Variants in ZNF30 observed in about 807,000 individuals in gnomAD.
The protein encoded by ZNF30 is zinc finger protein 30 (KOX 28).
Under a neutral mutation model 13.2 loss-of-function variants are expected in ZNF30, and 15 were observed. The ratio of observed to expected loss-of-function variants is 1.13; its 90% confidence interval spans 0.76 to 1.75. The LOEUF (loss-of-function observed/expected upper bound fraction) is 1.75, where lower values mean the gene tolerates loss of function less well. Among genes scored for constraint, ZNF30 ranks in the 40% most tolerant of loss-of-function variants. The pLI is 0.00. For synonymous variants in ZNF30, 223 were observed against 256.6 expected (o/e 0.87, Z 1.25); for missense variants, 726 against 757.0 (o/e 0.96, Z 0.48).
At chr19:34,940,070 A>G (rs766851123) in intron 4 of ZNF30, among the ~76,000 whole-genome samples, 21 of 152,246 alleles carry the variant, frequency 1.4e-4, no homozygotes, top group Non-Finnish European at 2.6e-4. Flanking sequence ...ATGAAATACT[A>G]ATTCTTACAA....
In ZNF30 at chr19:34,943,637, G is replaced by C. The variant is rs759782832; in HGVS notation, c.671G>C (p.Ser224Thr). The C allele has an allele frequency of 3.1e-6, 5 of 1,613,632 alleles. No homozygotes were observed. The highest frequency in any genetic ancestry group is 3.3e-4 in the Middle Eastern group (2 of 6,084). ...AGCTATCAACTTACAGTACATAAGAGTATTCATACTGGGAAGAAACCATAT... is the reference window on the plus strand; with the variant it reads ...AGCTATCAACTTACAGTACATAAGACTATTCATACTGGGAAGAAACCATAT... ...SGSYQLTVHK[S>T]IHTGKKPYEC... Residue 224 changes from serine to threonine, a missense_variant, in exon 5 of 5, where the codon AGT becomes ACT. Physicochemically the swap from Ser to Thr is moderately conservative, Grantham distance 58. Transcript: ENST00000601142.
In ZNF30 at chr19:34,945,115, T is replaced by G. The variant is rs1204511717; in HGVS notation, c.*277T>G. The G allele has an allele frequency of 5.9e-6, 2 of 341,450 alleles. No individual in the cohort carries two copies. The highest frequency in any genetic ancestry group is 1.1e-5 in the Non-Finnish European group (2 of 188,558). The allele number at this position is 341,450 out of a possible 1,614,324, so 21.2% of individuals were successfully genotyped here. A position where few individuals can be genotyped will look rare whatever the true frequency, so the allele number is the denominator to read the frequency against. On this transcript the variant is annotated 3_prime_UTR_variant, in exon 5 of 5. Transcript: ENST00000601142. Reference sequence around the variant, plus strand: ...CAGCATGAACTTTTATATGATGCATTTATTCTAATGTGATTGTATGAACAA... The same window carrying G: ...CAGCATGAACTTTTATATGATGCATGTATTCTAATGTGATTGTATGAACAA...
chr19:34,923,952 T>A (rs1254917610), upstream of ZNF30: 3 of 152,230 alleles, frequency 2.0e-5, no homozygotes, highest in Admixed American at 2.0e-4. Context: ...GGGAAAGTTC[T>A]GCTCTCCTAG....
In ZNF30 at chr19:34,943,652, A is replaced by G. The variant is rs1339521004; in HGVS notation, c.686A>G (p.Lys229Arg). 4 of 1,613,684 alleles carry G rather than the reference A, an allele frequency of 2.5e-6. No individual in the cohort carries two copies. In the Admixed American group the frequency reaches 6.7e-5, roughly 27 times the overall value. The change falls in exon 5 of 5, where the codon AAG becomes AGG. Residue 229 changes from lysine to arginine, a missense_variant. Physicochemically the swap from Lys to Arg is conservative, Grantham distance 26. Transcript: ENST00000601142. The part of the protein sequence containing the change: ...LTVHKSIHTG[K>R]KPYECGECGK... ...GTACATAAGAGTATTCATACTGGGA[A>G]GAAACCATATGAGTGCGGGGAATGT...
At position 34,933,621 on chromosome 19, in the gene ZNF30, T is replaced by G; in HGVS notation, c.161-7T>G. 6.3e-7 allele frequency: 1 copy of G among 1,584,940 alleles called. No homozygotes were observed. Among genetic ancestry groups the G allele is most frequent in the Non-Finnish European group, 8.6e-7 (1 of 1,162,850 alleles). On this transcript the variant is annotated splice_region_variant and splice_polypyrimidine_tract_variant and intron_variant, in intron 3 of 4. Transcript: ENST00000601142. ...ATTTCTTTTCTACATTCTTATCTCA[T>G]AAGCAGGACATTCCCGTTCTAAACC...
At position 34,937,710 on chromosome 19, in the gene ZNF30, G is replaced by A. The variant is rs530605007; in HGVS notation, c.256+3987G>A. On this transcript the variant is annotated intron_variant, in intron 4 of 4. Coordinates refer to ENST00000601142, the MANE Select transcript of ZNF30 (RefSeq NM_194325.3). ...CGCTCCAGCCTGGGTGACAGAGCAA[G>A]ACCCCATCTCTTAAAAATAAAAAAA... Among the ~76,000 whole-genome samples the A allele has an allele frequency of 2.5e-4, 38 of 151,120 alleles. 1 individual carries two copies. The Middle Eastern group carries it at 0.017, about 68-fold the overall frequency.
intron 3 of ZNF30, among the ~76,000 whole-genome samples, chr19:34,932,686 G>GCAAGATCA (rs1354863340): frequency 1.3e-5 from 2 of 151,952 alleles, no homozygotes; most frequent in Non-Finnish European, 2.9e-5. Flanking sequence ...AGTGAGTTAC[G>GCAAGATCA]CAAGATCACA....
intron 3 of ZNF30, among the ~76,000 whole-genome samples, 189 bp downstream of exon 3, chr19:34,932,182 G>A (rs1194347118): frequency 1.3e-5 from 2 of 152,126 alleles, no homozygotes; most frequent in Non-Finnish European, 2.9e-5. Context: ...GCAAAACATT[G>A]ACAAAAGAGG....
intron 1 of ZNF30, among the ~76,000 whole-genome samples, chr19:34,928,573 C>T (rs1323109185): frequency 6.6e-6 from 1 of 152,156 alleles, no homozygotes; most frequent in Non-Finnish European, 1.5e-5. Flanking sequence ...TGGCTCACGC[C>T]TGTAATCCCA....
chr19:34,927,189 T>A lies in ZNF30; in HGVS notation c.-92T>A. The A allele has an allele frequency of 2.6e-6, 1 of 386,504 alleles. No individual in the cohort carries two copies. The highest frequency in any genetic ancestry group is 4.6e-6 in the Non-Finnish European group (1 of 218,906). 23.9% of individuals were successfully genotyped at this position (386,504 alleles called of 1,614,324 possible). On this transcript the variant is annotated 5_prime_UTR_variant, in exon 1 of 5. Transcript: ENST00000601142. ...GCACCGGGAGCTCTGCAGACCTGTG[T>A]CGGCGCGGAACCCGGACTGAGACAT...
chr19:34,943,913 A>G lies in ZNF30; in HGVS notation c.947A>G (p.Tyr316Cys), dbSNP rs762354020. The G allele has an allele frequency of 2.5e-6, 4 of 1,614,048 alleles. No homozygotes were observed. In the South Asian group the frequency reaches 3.3e-5, roughly 13 times the overall value. The change falls in exon 5 of 5, where the codon TAT (tyrosine) becomes TGT (cysteine). Residue 316 changes from tyrosine (Y) to cysteine (C), a missense_variant. Tyr to Cys is a radical substitution (Grantham distance 194). Coordinates refer to ENST00000601142, the MANE Select transcript of ZNF30 (RefSeq NM_194325.3). ...AGAATTCATACTGGCGAGAAACCCT[A>G]TGAATGTAAGGAGTGTGGGAAGTCC... ...HQRIHTGEKP[Y>C]ECKECGKSFT...
At chr19:34,938,316 G>C (rs561095454) in intron 4 of ZNF30, among the ~76,000 whole-genome samples, 2 of 152,124 alleles carry the variant, frequency 1.3e-5, no homozygotes, top group East Asian at 3.9e-4. Context: ...AGGAGTTTGG[G>C]GGACACTGTT....
At chr19:34,939,141 C>A (rs1600228104) in intron 4 of ZNF30, among the ~76,000 whole-genome samples, 1 of 102,290 alleles carries the variant, frequency 9.8e-6, no homozygotes, top group Non-Finnish European at 1.8e-5. Context: ...CCTCCCCTCC[C>A]CTCCCCTCCC....
At chr19:34,940,263 T>C (rs962360695) in intron 4 of ZNF30, among the ~76,000 whole-genome samples, 1 of 152,236 alleles carries the variant, frequency 6.6e-6, no homozygotes, top group Middle Eastern at 3.2e-3. Flanking sequence ...TTGGTCATGC[T>C]TCAGCCTTAT....
At chr19:34,940,601 G>T (rs2012992149) in intron 4 of ZNF30, among the ~76,000 whole-genome samples, 1 of 141,920 alleles carries the variant, frequency 7.0e-6, no homozygotes, top group Admixed American at 7.4e-5. Flanking sequence ...CCAAGAGGCA[G>T]AGGTTGCAGT....
intron 4 of ZNF30, among the ~76,000 whole-genome samples, chr19:34,936,756 C>T (rs1449638469): frequency 6.6e-6 from 1 of 151,996 alleles, no homozygotes; most frequent in African/African-American, 2.4e-5. Flanking sequence ...ATTAGCTATG[C>T]ATGGTGGTAC....
Position 34,933,680 on chromosome 19 carries a change from G to A in ZNF30, c.213G>A (p.Glu71=). 1.9e-6 allele frequency: 3 copies of A among 1,599,152 alleles called. No individual in the cohort carries two copies. Among genetic ancestry groups the A allele is most frequent in the Non-Finnish European group, 2.6e-6 (3 of 1,172,516 alleles). ...TCGCCTTATTGGAACAATGGAAAGA[G>A]CCTGAAGTGACAGTGAGGAAAGATG... is the stretch of plus-strand genomic sequence containing the variant. The part of the protein sequence containing the change: ...HVIALLEQWK[E]PEVTVRKDGR... Residue 71 remains glutamate (E), a synonymous_variant, in exon 4 of 5, where the codon GAG becomes GAA. Coordinates refer to ENST00000601142, the MANE Select transcript of ZNF30 (RefSeq NM_194325.3).
intron 4 of ZNF30, 73 bp from the exon 5 acceptor site, chr19:34,943,150 C>T: frequency 1.2e-5 from 13 of 1,088,896 alleles, no homozygotes; most frequent in Admixed American, 3.5e-5. Flanking sequence ...GTGTTATTTT[C>T]AGTTTTTCTC....
At chr19:34,933,372 G>T (rs970002366) in intron 3 of ZNF30, among the ~76,000 whole-genome samples, 11 of 152,014 alleles carry the variant, frequency 7.2e-5, no homozygotes, top group African/African-American at 2.7e-4. Context: ...AGAATTGCTT[G>T]AACCCGGGAA....
Sources: allele counts gnomAD v4.1 joint callset (sites outside exome capture counted in the v4.1 genomes callset), GRCh38; gene constraint gnomAD v4.1.1; transcripts MANE v1.5; gene names NCBI Gene and HGNC (gene_info 2026-07-23, HGNC 2026-07-21).